Variants in SLC8A2 observed in about 807,000 individuals in gnomAD.
SLC8A2 encodes the protein sodium/calcium exchanger 2.
In SLC8A2, 14 loss-of-function variants were observed where a neutral mutation model predicts 70.2. That is an observed-to-expected ratio of 0.20 (90% CI 0.13 to 0.31). SLC8A2 has a LOEUF of 0.31. Among genes scored for constraint, SLC8A2 ranks in the 10% least tolerant of loss-of-function variants. The pLI is 1.00. For synonymous variants in SLC8A2, 575 were observed against 594.3 expected (o/e 0.97, Z 0.47); for missense variants, 779 against 1,320.1 (o/e 0.59, Z 6.35).
intron 1 of SLC8A2, among the ~76,000 whole-genome samples, chr19:47,470,026 G>A (rs567048928): frequency 1.3e-5 from 2 of 152,314 alleles, no homozygotes; most frequent in African/African-American, 2.4e-5. Context: ...ACAGTGGGGC[G>A]GCAAGGGAGG....
intron 1 of SLC8A2, among the ~76,000 whole-genome samples, chr19:47,469,112 C>CTGTGCGTG (rs1173417294): frequency 1.1e-4 from 14 of 128,612 alleles, no homozygotes; most frequent in African/African-American, 3.9e-4. Context: ...AGGAGCATGC[C>CTGTGCGTG]TGTGTGCGTG....
chr19:47,431,775 G>C (rs376093413), intron 9 of SLC8A2, among the ~76,000 whole-genome samples: 1 of 151,542 alleles, frequency 6.6e-6, no homozygotes, highest in Non-Finnish European at 1.5e-5. Context: ...GGTTTCTTGC[G>C]GGATGGGACA....
At chr19:47,450,873 C>T (rs186111553) in intron 3 of SLC8A2, among the ~76,000 whole-genome samples, 2 of 152,052 alleles carry the variant, frequency 1.3e-5, no homozygotes, top group Non-Finnish European at 2.9e-5. Flanking sequence ...AGGGGAAGCA[C>T]CCAGAGGCAC....
Position 47,448,168 on chromosome 19 carries a change from G to A in SLC8A2, c.1404C>T (p.Asp468=), listed in dbSNP as rs372168824. 1.4e-5 allele frequency: 23 copies of A among 1,612,204 alleles called. No individual in the cohort carries two copies. The highest frequency in any genetic ancestry group is 2.0e-5 in the Non-Finnish European group (23 of 1,179,312). The part of the protein sequence containing the change: ...TQKELRIGII[D]DDIFEEDEHF... ...GCTCGTCCTCCTCGAAGATGTCGTC[G>A]TCGATGATGCCGATGCGCAGCTCCT... Residue 468 remains aspartate (D), a synonymous_variant, in exon 4 of 10, where the codon GAC becomes GAT. Transcript: ENST00000236877. The surrounding 1 kb of genome is among the most constrained non-coding windows in gnomAD (Gnocchi z 4.8).
intron 8 of SLC8A2, among the ~76,000 whole-genome samples, chr19:47,435,101 C>A (rs1040492672): frequency 6.6e-6 from 1 of 151,810 alleles, no homozygotes; most frequent in Non-Finnish European, 1.5e-5. Flanking sequence ...CCCAGCTACT[C>A]AGGAGGCTGA....
chr19:47,445,593 G>A lies in SLC8A2; in HGVS notation c.1763+2216C>T, dbSNP rs112033352. On this transcript the variant is annotated intron_variant, in intron 4 of 9. Coordinates refer to ENST00000236877, the MANE Select transcript of SLC8A2 (RefSeq NM_015063.3). ...CCATCTCCAGCCCAGCTGCTTCAAA[G>A]CGCCTCTAATTAGTGCCTGCCCATC... Among the ~76,000 whole-genome samples, 287 of 152,194 alleles carry A rather than the reference G, an allele frequency of 1.9e-3. 1 individual carries two copies. Among genetic ancestry groups the A allele is most frequent in the African/African-American group, 6.5e-3 (269 of 41,526 alleles).
chr19:47,458,249 C>T (rs1277275215), intron 2 of SLC8A2, among the ~76,000 whole-genome samples: 16 of 134,950 alleles, frequency 1.2e-4, no homozygotes, highest in Non-Finnish European at 2.2e-4. Context: ...GTCTCTCTCC[C>T]CTCTCCCCCA....
chr19:47,451,005 C>CTTTTTTT (rs71180844), intron 3 of SLC8A2, among the ~76,000 whole-genome samples: 2 of 80,216 alleles, frequency 2.5e-5, no homozygotes, highest in African/African-American at 8.7e-5. Flanking sequence ...GTAGCACTAT[C>CTTTTTTT]TTTTTTTTTT....
intron 1 of SLC8A2, among the ~76,000 whole-genome samples, chr19:47,467,253 G>A (rs1379046049): frequency 6.6e-6 from 1 of 152,216 alleles, no homozygotes; most frequent in Non-Finnish European, 1.5e-5. Context: ...TGTCACAATG[G>A]CTGAATGAAG....
At chr19:47,455,123 GGA>G (rs1221257280) in intron 3 of SLC8A2, among the ~76,000 whole-genome samples, 4 of 151,940 alleles carry the variant, frequency 2.6e-5, no homozygotes, top group Non-Finnish European at 4.4e-5. Context: ...AGAGAGTAGA[GGA>G]GAGAGAGGAG....
At chr19:47,450,689 G>A (rs1465240137) in intron 3 of SLC8A2, among the ~76,000 whole-genome samples, 1 of 152,126 alleles carries the variant, frequency 6.6e-6, no homozygotes, top group Non-Finnish European at 1.5e-5. Context: ...CGTGGTGATG[G>A]AGCACCCAGG....
At chr19:47,438,114 C>T (rs12974281) in intron 6 of SLC8A2, 141 bp from the exon 7 acceptor site, 24,605 of 938,424 alleles carry the variant, frequency 0.026, 426 homozygotes, top group Admixed American at 0.029. Flanking sequence ...TCCCAGCCTC[C>T]CACCTGACCA....
chr19:47,465,857 C>G lies in SLC8A2; in HGVS notation c.547G>C (p.Val183Leu). ...MFVVIAVCIYVIPAGESRKIK... is the reference protein window; with the variant it reads ...MFVVIAVCIYLIPAGESRKIK... ...TTGCGGCTCTCGCCGGCTGGGATGA[C>G]GTAGATGCACACGGCGATGACCACA... Residue 183 changes from valine (V) to leucine (L), a missense_variant, in exon 2 of 10, where the codon GTC becomes CTC. Around this residue, in one of 6 missense-constraint regions of SLC8A2, gnomAD observed 155 missense variants for 318.6 expected, o/e 0.49. Transcript: ENST00000236877. This position sits in a 1 kb window ranked among gnomAD's most constrained non-coding sequence, Gnocchi z 5.5. 2 of 1,614,164 alleles carry G rather than the reference C, an allele frequency of 1.2e-6. No homozygotes were observed. Among genetic ancestry groups the G allele is most frequent in the Non-Finnish European group, 1.7e-6 (2 of 1,180,042 alleles).
intron 2 of SLC8A2, among the ~76,000 whole-genome samples, chr19:47,463,241 T>C (rs1967418361): frequency 6.6e-6 from 1 of 151,784 alleles, no homozygotes; most frequent in Non-Finnish European, 1.5e-5. Flanking sequence ...CACGCTATTC[T>C]CCTGCCTCAG....
chr19:47,446,795 C>A (rs1967168064), intron 4 of SLC8A2, among the ~76,000 whole-genome samples: 1 of 152,122 alleles, frequency 6.6e-6, no homozygotes, highest in South Asian at 2.1e-4. Flanking sequence ...CTGCTTCGTC[C>A]TCCCAAAGCG....
intron 2 of SLC8A2, among the ~76,000 whole-genome samples, chr19:47,463,138 CT>C (rs956397072): frequency 6.9e-4 from 100 of 143,974 alleles, no homozygotes; most frequent in African/African-American, 5.8e-4. Context: ...GAAACCTTTT[CT>C]TTTTTTTTTT....
At chr19:47,433,792 C>T (rs1224476225) in intron 8 of SLC8A2, among the ~76,000 whole-genome samples, 1 of 152,110 alleles carries the variant, frequency 6.6e-6, no homozygotes. Flanking sequence ...CAGGTGTGCA[C>T]CACCCCACCT....
Position 47,432,249 on chromosome 19 carries a change from G to C in SLC8A2, c.2307C>G (p.Leu769=). Residue 769 remains leucine (L), a synonymous_variant, in exon 9 of 10, where the codon CTC becomes CTG. Coordinates refer to ENST00000236877, the MANE Select transcript of SLC8A2 (RefSeq NM_015063.3). The surrounding 1 kb of genome is among the most constrained non-coding windows in gnomAD (Gnocchi z 6.2). ...IGLLTALIGD[L]ASHFGCTVGL... The stretch of plus-strand genomic sequence containing the variant: ...CAACGGTGCAGCCGAAGTGGGAGGC[G>C]AGGTCCCCAATGAGGGCGGTGAGCA... 1 of 1,614,102 alleles carries C rather than the reference G, an allele frequency of 6.2e-7. No homozygotes were observed. Among genetic ancestry groups the C allele is most frequent in the Non-Finnish European group, 8.5e-7 (1 of 1,179,992 alleles).
chr19:47,457,717 C>G, intron 2 of SLC8A2, 123 bp from the exon 3 acceptor site: 1 of 527,550 alleles, frequency 1.9e-6, no homozygotes, highest in Non-Finnish European at 3.2e-6. Flanking sequence ...AACCCCGCCC[C>G]GTCGTCTCTC....
Sources: allele counts gnomAD v4.1 joint callset (sites outside exome capture counted in the v4.1 genomes callset), GRCh38; gene constraint gnomAD v4.1.1; regional missense constraint gnomAD v4.1.1; non-coding constraint Gnocchi (gnomAD v3.1); transcripts MANE v1.5; gene names NCBI Gene and HGNC (gene_info 2026-07-23, HGNC 2026-07-21).